Variants in LRRC7 observed in about 807,000 individuals in gnomAD.
LRRC7 encodes leucine rich repeat containing 7, also known as leucine-rich repeat-containing protein 7.
In LRRC7, 23 loss-of-function variants were observed where a neutral mutation model predicts 175.7. That is an observed-to-expected ratio of 0.13 (90% CI 0.09 to 0.19). The LOEUF (loss-of-function observed/expected upper bound fraction) is 0.19. Ranked by LOEUF, LRRC7 falls within the 10% of genes least tolerant of loss-of-function variation. LRRC7 has a pLI of 1.00. For synonymous variants in LRRC7, 685 were observed against 680.9 expected (o/e 1.01, Z -0.09); for missense variants, 1,354 against 1,904.7 (o/e 0.71, Z 5.38).
Position 70,121,952 on chromosome 1 carries a change from T to C in LRRC7, c.*65T>C. The C allele has an allele frequency of 8.2e-7, 1 of 1,222,666 alleles. No homozygotes were observed. The highest frequency in any genetic ancestry group is 1.2e-6 in the Non-Finnish European group (1 of 847,370). The allele number at this position is 1,222,666 out of a possible 1,614,324, so 75.7% of individuals were successfully genotyped here. Reference sequence around the variant, plus strand: ...TAATGTTCAAAAATAAATTTATACATAGAAACAAATTTTGCCAATTGCTGG... The same window carrying C: ...TAATGTTCAAAAATAAATTTATACACAGAAACAAATTTTGCCAATTGCTGG... On this transcript the variant is annotated 3_prime_UTR_variant, in exon 27 of 27. Transcript: ENST00000651989.
intron 23 of LRRC7, among the ~76,000 whole-genome samples, chr1:70,070,489 T>C (rs1445392066): frequency 6.6e-6 from 1 of 152,168 alleles, no homozygotes; most frequent in Non-Finnish European, 1.5e-5. Context: ...TCCTGATTCT[T>C]GGTATGATGA....
intron 8 of LRRC7, among the ~76,000 whole-genome samples, chr1:69,956,144 A>G (rs1368500013): frequency 6.6e-6 from 1 of 151,970 alleles, no homozygotes; most frequent in Non-Finnish European, 1.5e-5. Flanking sequence ...CTCAGTAGTT[A>G]TTATAAAGTA....
At chr1:69,699,356 A>G (rs1310980453) in intron 2 of LRRC7, among the ~76,000 whole-genome samples, 2 of 152,146 alleles carry the variant, frequency 1.3e-5, no homozygotes, top group African/African-American at 4.8e-5. Flanking sequence ...CCTGGCCAAC[A>G]TGGTGAAACC....
chr1:69,752,883 C>T (rs1033612987), intron 2 of LRRC7, among the ~76,000 whole-genome samples: 1 of 152,062 alleles, frequency 6.6e-6, no homozygotes, highest in Non-Finnish European at 1.5e-5. Context: ...GAGATGAATA[C>T]CTGTTTTCTT....
At chr1:69,924,827 C>A (rs1393297238) in intron 7 of LRRC7, among the ~76,000 whole-genome samples, 1 of 152,100 alleles carries the variant, frequency 6.6e-6, no homozygotes, top group Non-Finnish European at 1.5e-5. Context: ...CCAGAATTTC[C>A]AACACTATGT....
At chr1:69,753,294 G>A (rs1173503427) in intron 2 of LRRC7, among the ~76,000 whole-genome samples, 2 of 120,072 alleles carry the variant, frequency 1.7e-5, no homozygotes, top group African/African-American at 6.5e-5. Flanking sequence ...GTGTGTGTGT[G>A]TATGTGTGTG....
chr1:69,804,576 T>C (rs1263168774), intron 4 of LRRC7, among the ~76,000 whole-genome samples: 1 of 151,640 alleles, frequency 6.6e-6, no homozygotes, highest in Non-Finnish European at 1.5e-5. Flanking sequence ...AAAACCTGGT[T>C]AGCTAGCCAG....
intron 7 of LRRC7, chr1:69,874,308 G>C (rs1685845079): frequency 6.6e-6 from 1 of 152,010 alleles, no homozygotes; most frequent in South Asian, 2.1e-4. Flanking sequence ...GGGTTCATTT[G>C]CTTTTAACAT....
chr1:69,608,101 G>T (rs1647930462), intron 1 of LRRC7: 1 of 152,636 alleles, frequency 6.6e-6, no homozygotes. Context: ...CTCACTTTGG[G>T]TTTTTCATTT....
chr1:69,661,646 G>T (rs1234714032), intron 1 of LRRC7, among the ~76,000 whole-genome samples: 1 of 152,078 alleles, frequency 6.6e-6, no homozygotes, highest in Non-Finnish European at 1.5e-5. Context: ...ATTGCCTTAT[G>T]ATCATAACTA....
intron 26 of LRRC7, among the ~76,000 whole-genome samples, chr1:70,114,244 T>TG (rs1369283870): frequency 6.6e-6 from 1 of 152,094 alleles, no homozygotes; most frequent in Non-Finnish European, 1.5e-5. Flanking sequence ...ACACTGAGGG[T>TG]GGGGGACTAT....
chr1:69,697,232 G>T (rs925998745), intron 2 of LRRC7, among the ~76,000 whole-genome samples: 1 of 151,936 alleles, frequency 6.6e-6, no homozygotes, highest in Non-Finnish European at 1.5e-5. Context: ...ACTAAAACAT[G>T]CCTCTTTCAC....
intron 7 of LRRC7, among the ~76,000 whole-genome samples, chr1:69,888,198 C>T (rs533043434): frequency 1.8e-4 from 27 of 152,032 alleles, no homozygotes; most frequent in South Asian, 6.3e-4. Flanking sequence ...TGGGCAATGG[C>T]GGTCGCCCCT....
chr1:69,680,614 C>T (rs1482102178), intron 2 of LRRC7, among the ~76,000 whole-genome samples: 2 of 149,492 alleles, frequency 1.3e-5, no homozygotes, highest in African/African-American at 4.9e-5. Flanking sequence ...CCTGTTAGTA[C>T]AATGAGCAAT....
intron 7 of LRRC7, among the ~76,000 whole-genome samples, chr1:69,907,338 C>T (rs547397748): frequency 3.1e-4 from 47 of 152,204 alleles, no homozygotes; most frequent in African/African-American, 9.4e-4. Flanking sequence ...TGTCTTGTGC[C>T]AGTTTTCAAA....
Position 69,645,870 on chromosome 1 carries a change from T to C in LRRC7, c.3-32511T>C, listed in dbSNP as rs755634059. On this transcript the variant is annotated intron_variant, in intron 1 of 26. Coordinates refer to ENST00000651989, the MANE Select transcript of LRRC7 (RefSeq NM_001370785.2). The stretch of plus-strand genomic sequence containing the variant: ...AACTATGATAAATCTTGGTATTGAA[T>C]TGATTTTTCTAGTAAACATTTACAA... 4.9e-4 allele frequency among the ~76,000 whole-genome samples: 75 copies of C among 152,272 alleles called. 1 individual carries two copies. The highest frequency in any genetic ancestry group is 6.8e-3 in the Middle Eastern group (2 of 294).
intron 4 of LRRC7, among the ~76,000 whole-genome samples, chr1:69,816,726 A>G (rs1034821929): frequency 6.6e-6 from 1 of 152,158 alleles, no homozygotes; most frequent in Non-Finnish European, 1.5e-5. Context: ...TATAGTCTCC[A>G]TAGTATATAT....
At chr1:69,620,468 A>G (rs1650388970) in intron 1 of LRRC7, among the ~76,000 whole-genome samples, 1 of 152,182 alleles carries the variant, frequency 6.6e-6, no homozygotes, top group Non-Finnish European at 1.5e-5. Flanking sequence ...AAGACTAAGT[A>G]TTACAAGTGC....
Position 69,896,522 on chromosome 1 carries a change from T to G in LRRC7, c.648-34985T>G, listed in dbSNP as rs576030090. On this transcript the variant is annotated intron_variant, in intron 7 of 26. Transcript: ENST00000651989. ...TTTTAGATATTTATTATTTTATAGG[T>G]ATCTTATACATGGATTAAAAGTGAG... 7.2e-5 allele frequency among the ~76,000 whole-genome samples: 11 copies of G among 152,262 alleles called. No individual in the cohort carries two copies. The South Asian group carries it at 8.3e-4, about 11-fold the overall frequency.
Sources: gnomAD v4.1 joint callset for allele counts (sites outside exome capture counted in the v4.1 genomes callset) on GRCh38, gnomAD v4.1.1 for gene constraint, MANE v1.5 for transcripts, NCBI Gene and HGNC (gene_info 2026-07-23, HGNC 2026-07-21) for gene names.